CTNNA3: variants seen among roughly 807,000 people sequenced by gnomAD.
CTNNA3 encodes the protein catenin alpha-3.
In CTNNA3, 76 loss-of-function variants were observed where a neutral mutation model predicts 95.7. The ratio of observed to expected loss-of-function variants is 0.79; its 90% CI spans 0.66 to 0.96. The LOEUF (loss-of-function observed/expected upper bound fraction) is 0.96. Ranked by LOEUF, CTNNA3 falls within the 40% of genes least tolerant of loss-of-function variation. The probability of loss-of-function intolerance (pLI) is 0.00; values close to 1 mark genes in which losing one functional copy is unlikely to be tolerated. For missense variants in CTNNA3, 1,191 were observed against 1,089.8 expected (o/e 1.09, Z -1.31); for synonymous variants, 431 against 374.4 (o/e 1.15, Z -1.74).
intron 10 of CTNNA3, among the ~76,000 whole-genome samples, chr10:66,562,502 C>A (rs1414109089): frequency 6.6e-6 from 1 of 151,966 alleles, no homozygotes; most frequent in Non-Finnish European, 1.5e-5. Flanking sequence ...TCTTTGAGAG[C>A]CTATAATACA....
At chr10:67,380,020 CAAAAAAAAAAAAA>C (rs10591803) in intron 5 of CTNNA3, among the ~76,000 whole-genome samples, 1,170 of 74,198 alleles carry the variant, frequency 0.016, 33 homozygotes, top group African/African-American at 0.053. Flanking sequence ...GACTCCGTCT[CAAAAAAAAAAAAA>C]AAAAAAAAAA....
intron 3 of CTNNA3, among the ~76,000 whole-genome samples, chr10:67,604,175 T>C (rs1212952939): frequency 1.3e-5 from 2 of 152,158 alleles, no homozygotes; most frequent in African/African-American, 2.4e-5. Context: ...AATGACAAAA[T>C]GGCATATGGA....
intron 7 of CTNNA3, among the ~76,000 whole-genome samples, chr10:66,890,976 T>C (rs570328427): frequency 6.6e-6 from 1 of 152,108 alleles, no homozygotes; most frequent in East Asian, 1.9e-4. Context: ...CTCTGGCCAG[T>C]CCCCAGGCTC....
intron 9 of CTNNA3, among the ~76,000 whole-genome samples, chr10:66,654,770 G>A (rs1410475597): frequency 1.3e-5 from 2 of 151,956 alleles, no homozygotes; most frequent in Admixed American, 6.6e-5. Flanking sequence ...AATACCATTT[G>A]GTCTTAAATA....
intron 9 of CTNNA3, among the ~76,000 whole-genome samples, chr10:66,763,196 T>C (rs1839671942): frequency 6.6e-6 from 1 of 152,064 alleles, no homozygotes; most frequent in Admixed American, 6.6e-5. Flanking sequence ...TGTGTCTCAA[T>C]GTTTGTAGTA....
At chr10:66,231,119 C>A (rs1210828165) in intron 13 of CTNNA3, among the ~76,000 whole-genome samples, 1 of 152,138 alleles carries the variant, frequency 6.6e-6, no homozygotes, top group Non-Finnish European at 1.5e-5. Context: ...GGACTCCAGG[C>A]AGCTCTCTAT....
intron 5 of CTNNA3, among the ~76,000 whole-genome samples, chr10:67,497,893 C>T (rs1839082536): frequency 6.6e-6 from 1 of 152,178 alleles, no homozygotes; most frequent in Admixed American, 6.5e-5. Flanking sequence ...TGCCTGTTCA[C>T]TCTGATAATA....
chr10:66,153,382 A>G (rs2133910810), intron 13 of CTNNA3, among the ~76,000 whole-genome samples: 1 of 151,998 alleles, frequency 6.6e-6, no homozygotes, highest in East Asian at 1.9e-4. Flanking sequence ...TGCATTCTCT[A>G]ATATTCCTCC....
intron 13 of CTNNA3, among the ~76,000 whole-genome samples, chr10:66,265,935 G>A (rs541431575): frequency 1.3e-5 from 2 of 151,890 alleles, no homozygotes; most frequent in East Asian, 3.9e-4. Flanking sequence ...ATGGCTAAGT[G>A]TTCGATAGAT....
chr10:67,452,747 A>C (rs1372059096), intron 5 of CTNNA3, among the ~76,000 whole-genome samples: 1 of 152,214 alleles, frequency 6.6e-6, no homozygotes. Flanking sequence ...AGAAAAGGAT[A>C]GGCAGGAACA....
intron 7 of CTNNA3, among the ~76,000 whole-genome samples, chr10:66,869,977 T>C (rs894614464): frequency 1.4e-3 from 216 of 152,284 alleles, no homozygotes; most frequent in African/African-American, 5.1e-3. Context: ...CTACTAATAT[T>C]TCACAACACT....
intron 11 of CTNNA3, among the ~76,000 whole-genome samples, chr10:66,434,620 A>G (rs1322237970): frequency 6.6e-6 from 1 of 152,068 alleles, no homozygotes; most frequent in Non-Finnish European, 1.5e-5. Flanking sequence ...CTCTCCTCCC[A>G]CTTGAATATA....
chr10:67,617,033 T>C (rs1843679388), intron 2 of CTNNA3, among the ~76,000 whole-genome samples: 1 of 152,224 alleles, frequency 6.6e-6, no homozygotes, highest in Non-Finnish European at 1.5e-5. Context: ...AATTCTAGGA[T>C]ATGTAGATTT....
intron 9 of CTNNA3, among the ~76,000 whole-genome samples, chr10:66,702,675 C>G (rs1847985746): frequency 7.4e-6 from 1 of 135,550 alleles, no homozygotes; most frequent in African/African-American, 2.8e-5. Flanking sequence ...CACCGGCACT[C>G]TAGCCTGGGC....
At chr10:66,437,590 G>T (rs894859407) in intron 11 of CTNNA3, among the ~76,000 whole-genome samples, 1 of 151,840 alleles carries the variant, frequency 6.6e-6, no homozygotes, top group Admixed American at 6.6e-5. Flanking sequence ...AGTTCCTAGG[G>T]AGACCTAGGG....
intron 7 of CTNNA3, among the ~76,000 whole-genome samples, chr10:67,003,146 G>A (rs781491348): frequency 4.6e-5 from 7 of 152,110 alleles, no homozygotes; most frequent in Non-Finnish European, 2.9e-5. Context: ...TCCCGCCACA[G>A]TGACTTCATT....
chr10:66,500,219 A>C (rs1260194899), intron 11 of CTNNA3, among the ~76,000 whole-genome samples: 1 of 152,184 alleles, frequency 6.6e-6, no homozygotes, highest in Non-Finnish European at 1.5e-5. Context: ...TCAAACCAAA[A>C]AAAATTGATA....
chr10:66,307,515 T>C (rs2091950639), intron 12 of CTNNA3, among the ~76,000 whole-genome samples: 1 of 152,226 alleles, frequency 6.6e-6, no homozygotes, highest in Non-Finnish European at 1.5e-5. Context: ...CAGTCATCTT[T>C]AACACTTCTA....
At chr10:66,366,812 C>A (rs370339948) in intron 12 of CTNNA3, among the ~76,000 whole-genome samples, 6 of 152,062 alleles carry the variant, frequency 3.9e-5, no homozygotes, top group Admixed American at 2.6e-4. Flanking sequence ...CCTAATGCAA[C>A]CACTTGCTTA....
Sources: gnomAD v4.1 joint callset for allele counts (sites outside exome capture counted in the v4.1 genomes callset) on GRCh38, gnomAD v4.1.1 for gene constraint, MANE v1.5 for transcripts, NCBI Gene and HGNC (gene_info 2026-07-23, HGNC 2026-07-21) for gene names.